The following MTR variants were observed in gnomAD, a reference collection of about 807,000 sequenced individuals.
MTR encodes methionine synthase.
A neutral mutation model predicts 154.8 loss-of-function variants in MTR; 84 were observed. The observed-to-expected ratio is 0.54, with a 90% confidence interval of 0.45 to 0.65. The LOEUF is 0.65. MTR is among the 30% of genes least tolerant of loss of function. The probability of loss-of-function intolerance (pLI) is 0.00; values close to 1 mark genes in which losing one functional copy is unlikely to be tolerated. For synonymous variants in MTR, 554 were observed against 553.9 expected, an observed-to-expected ratio of 1.00 and a Z score of 0.00; for missense variants, 1,275 against 1,570.2, an observed-to-expected ratio of 0.81 and a Z score of 3.18.
At chr1:236,886,455 C>A in intron 27 of MTR, 88 bp downstream of exon 27, 2 of 1,242,056 alleles carry the variant, frequency 1.6e-6, no homozygotes, top group South Asian at 1.2e-5. Context: ...GCTGCAAAAT[C>A]AAACCAGCAG....
intron 21 of MTR, among the ~76,000 whole-genome samples, chr1:236,862,992 G>C (rs777505208): frequency 2.0e-5 from 3 of 152,150 alleles, no homozygotes; most frequent in Non-Finnish European, 4.4e-5. Context: ...AGTGGGGGAT[G>C]CTAACTGTGC....
At chr1:236,827,022 C>G in intron 11 of MTR, 126 bp downstream of exon 11, 1 of 854,912 alleles carries the variant, frequency 1.2e-6, no homozygotes, top group Admixed American at 2.0e-5. Flanking sequence ...GTTCTAACCC[C>G]TACTGTTTCA....
rs74146635 is a variant in MTR at position 236,797,018 on chromosome 1, T to A, written c.34+1281T>A. ...AAAATACTGTGAATAGTGAGTGATT[T>A]AAAAAAAAAAAATAAACTGAAAGGA... On this transcript the variant is annotated intron_variant, in intron 1 of 32. Transcript: ENST00000366577. Among the ~76,000 whole-genome samples the A allele has an allele frequency of 1.0e-3, 153 of 147,058 alleles. 1 individual carries two copies. Among genetic ancestry groups the A allele is most frequent in the Middle Eastern group, 3.6e-3 (1 of 280 alleles).
intron 29 of MTR, among the ~76,000 whole-genome samples, chr1:236,892,531 A>G (rs140687481): frequency 1.4e-3 from 208 of 152,308 alleles, no homozygotes; most frequent in African/African-American, 4.6e-3. Flanking sequence ...CAACCACAAT[A>G]TAATTCATAA....
chr1:236,824,926 G>A (rs969877801), intron 9 of MTR, among the ~76,000 whole-genome samples: 2 of 152,150 alleles, frequency 1.3e-5, no homozygotes, highest in Admixed American at 6.5e-5. Flanking sequence ...AAGGAGACTG[G>A]TTGATTTTTG....
Position 236,894,569 on chromosome 1 carries a change from G to A in MTR, c.3405+12G>A, listed in dbSNP as rs1319443110. The A allele has an allele frequency of 6.2e-7, 1 of 1,613,812 alleles. No individual in the cohort carries two copies. ...ACCGGCTGGCAGAGGTAAGGCAGAG[G>A]CATTGCGCCGAGGGGCTGAGGACAG... On this transcript the variant is annotated intron_variant, in intron 30 of 32. Transcript: ENST00000366577.
At chr1:236,863,353 T>C (rs141204315) in intron 21 of MTR, 101 bp from the exon 22 acceptor site, 2 of 898,010 alleles carry the variant, frequency 2.2e-6, no homozygotes, top group African/African-American at 1.6e-5. Context: ...CTCTTGGTTG[T>C]ATTGAATTGC....
intron 29 of MTR, among the ~76,000 whole-genome samples, chr1:236,892,631 A>G (rs1666391516): frequency 6.6e-6 from 1 of 152,220 alleles, no homozygotes; most frequent in Non-Finnish European, 1.5e-5. Flanking sequence ...AAGGACAGCT[A>G]CATCCTTACC....
chr1:236,800,484 G>C, intron 1 of MTR: 1 of 985,050 alleles, frequency 1.0e-6, no homozygotes, highest in Non-Finnish European at 1.2e-6. Context: ...GTAGGTTAGA[G>C]TCTTTAGTTC....
intron 19 of MTR, 146 bp downstream of exon 19, chr1:236,860,068 TGCC>T: frequency 2.6e-5 from 7 of 264,350 alleles, no homozygotes; most frequent in Admixed American, 5.2e-5. Flanking sequence ...GTCCCCCAGC[TGCC>T]CCCCCCCCCC....
chr1:236,857,002 A>G (rs369510621), intron 18 of MTR, among the ~76,000 whole-genome samples: 6 of 152,124 alleles, frequency 3.9e-5, no homozygotes, highest in East Asian at 1.9e-4. Context: ...ACGTGTATGT[A>G]TCTTTATAGT....
chr1:236,800,485 T>C, intron 1 of MTR: 2 of 984,760 alleles, frequency 2.0e-6, no homozygotes, highest in Non-Finnish European at 2.4e-6. Flanking sequence ...TAGGTTAGAG[T>C]CTTTAGTTCT....
At chr1:236,867,874 G>A (rs576757606) in intron 22 of MTR, among the ~76,000 whole-genome samples, 58 of 152,176 alleles carry the variant, frequency 3.8e-4, no homozygotes, top group Non-Finnish European at 6.2e-4. Context: ...CAACAGATGA[G>A]GAATTGCTTC....
chr1:236,801,657 C>G (rs1420731127), intron 1 of MTR, among the ~76,000 whole-genome samples: 1 of 152,194 alleles, frequency 6.6e-6, no homozygotes, highest in Non-Finnish European at 1.5e-5. Flanking sequence ...CTTAGTGTTG[C>G]TAGGCATGAG....
intron 17 of MTR, 56 bp from the exon 18 acceptor site, chr1:236,852,892 G>T: frequency 1.2e-6 from 2 of 1,600,630 alleles, no homozygotes; most frequent in Non-Finnish European, 1.7e-6. Flanking sequence ...AAAGTTTGCT[G>T]ATCGCTGACT....
At chr1:236,897,446 T>C (rs1666727360) in intron 32 of MTR, 112 bp from the exon 33 acceptor site, 1 of 1,044,144 alleles carries the variant, frequency 9.6e-7, no homozygotes, top group Non-Finnish European at 1.5e-6. Context: ...TGTAGATTGC[T>C]ATTAAGACAA....
At chr1:236,854,156 A>G (rs780318210) in intron 18 of MTR, among the ~76,000 whole-genome samples, 2 of 152,228 alleles carry the variant, frequency 1.3e-5, no homozygotes, top group African/African-American at 2.4e-5. Flanking sequence ...GAAGAAGGAT[A>G]GGACACTATG....
intron 6 of MTR, among the ~76,000 whole-genome samples, chr1:236,814,945 GAATT>G (rs1453884925): frequency 6.6e-6 from 1 of 152,138 alleles, no homozygotes; most frequent in African/African-American, 2.4e-5. Flanking sequence ...TGATTTCAGA[GAATT>G]AATTGTGAAA....
chr1:236,838,334 G>T, intron 14 of MTR, 80 bp from the exon 15 acceptor site: 1 of 1,379,252 alleles, frequency 7.3e-7, no homozygotes, highest in South Asian at 1.2e-5. Context: ...AGAAGAAATA[G>T]GGAATACTTT....
Sources: gnomAD v4.1 joint callset for allele counts (sites outside exome capture counted in the v4.1 genomes callset) on GRCh38, gnomAD v4.1.1 for gene constraint, MANE v1.5 for transcripts, NCBI Gene and HGNC (gene_info 2026-07-23, HGNC 2026-07-21) for gene names.